Variants in GHR observed in about 807,000 individuals in gnomAD.
GHR encodes the protein growth hormone receptor.
Under a neutral mutation model 67.1 loss-of-function variants are expected in GHR, and 35 were observed. That is an observed-to-expected ratio of 0.52 (90% CI 0.40 to 0.69). The LOEUF (loss-of-function observed/expected upper bound fraction) is 0.69. Ranked by LOEUF, GHR falls within the 30% of genes least tolerant of loss-of-function variation. The pLI is 0.00. For synonymous variants in GHR, 272 were observed against 269.1 expected (o/e 1.01, Z -0.10); for missense variants, 792 against 764.6 (o/e 1.04, Z -0.42).
At chr5:42,639,418 T>C (rs540375573) in intron 3 of GHR, among the ~76,000 whole-genome samples, 1 of 152,210 alleles carries the variant, frequency 6.6e-6, no homozygotes, top group Non-Finnish European at 1.5e-5. Context: ...TCAAATGTCA[T>C]TCATGTCTTC....
chr5:42,474,333 G>GAAAAGAAAT lies in GHR; in HGVS notation c.-12+50381_-12+50382insAGAAATAAA, dbSNP rs1554054643. On this transcript the variant is annotated intron_variant, in intron 1 of 9. Coordinates refer to ENST00000230882, the MANE Select transcript of GHR (RefSeq NM_000163.5). Reference sequence around the variant, plus strand: ...AGAAAGAAAGAAAGAAAGAAAGAAAGAAAGAAAAGAAATAAAGAAAGAAAG... The same window carrying GAAAAGAAAT: ...AGAAAGAAAGAAAGAAAGAAAGAAAGAAAAGAAATAAAGAAAAGAAATAAAGAAAGAAAG... Among the ~76,000 whole-genome samples, 31 of 149,222 alleles carry GAAAAGAAAT rather than the reference G, an allele frequency of 2.1e-4. No individual in the cohort carries two copies. The Middle Eastern group carries it at 0.01, about 49-fold the overall frequency.
intron 2 of GHR, among the ~76,000 whole-genome samples, chr5:42,616,192 A>G (rs996338673): frequency 6.6e-6 from 1 of 152,020 alleles, no homozygotes; most frequent in African/African-American, 2.4e-5. Flanking sequence ...AAAAAGGTTA[A>G]TTGTTTTGGT....
At chr5:42,605,634 G>A (rs1412648729) in intron 2 of GHR, among the ~76,000 whole-genome samples, 3 of 152,186 alleles carry the variant, frequency 2.0e-5, no homozygotes, top group Admixed American at 2.0e-4. Context: ...TCCAGATAGA[G>A]GATCTGTGCC....
chr5:42,590,760 G>T (rs1415973364), intron 2 of GHR, among the ~76,000 whole-genome samples: 1 of 152,212 alleles, frequency 6.6e-6, no homozygotes, highest in Non-Finnish European at 1.5e-5. Context: ...TCTAACAGGT[G>T]ACTTTGAATG....
intron 1 of GHR, among the ~76,000 whole-genome samples, chr5:42,431,130 A>G (rs1481113927): frequency 6.6e-6 from 1 of 152,162 alleles, no homozygotes; most frequent in Non-Finnish European, 1.5e-5. Flanking sequence ...TCTTCTTTTA[A>G]ATGTAAGCAT....
At chr5:42,474,683 G>A (rs1745216393) in intron 1 of GHR, among the ~76,000 whole-genome samples, 1 of 152,102 alleles carries the variant, frequency 6.6e-6, no homozygotes, top group Non-Finnish European at 1.5e-5. Context: ...AGAACACGAA[G>A]AGGAACATTT....
rs759559962 is a variant in GHR at position 42,424,959 on chromosome 5, G to A, written c.-12+1004G>A. 6.1e-6 allele frequency: 6 copies of A among 981,176 alleles called. No homozygotes were observed. Among genetic ancestry groups the A allele is most frequent in the Non-Finnish European group, 7.3e-6 (6 of 826,028 alleles). 60.8% of individuals were successfully genotyped at this position (981,176 alleles called of 1,614,324 possible). ...GGCGTGTCGGCGCCTGAGCCAGTAG[G>A]GTGTGCAGGGTGGAAGAGGCCACAG... On this transcript the variant is annotated intron_variant, in intron 1 of 9. Coordinates refer to ENST00000230882, the MANE Select transcript of GHR (RefSeq NM_000163.5). This position sits in a 1 kb window ranked among gnomAD's most constrained non-coding sequence, Gnocchi z 4.1.
chr5:42,597,575 G>T (rs1752140067), intron 2 of GHR, among the ~76,000 whole-genome samples: 1 of 152,144 alleles, frequency 6.6e-6, no homozygotes, highest in South Asian at 2.1e-4. Flanking sequence ...ACTAGGTCCT[G>T]CAGTATTGCT....
At chr5:42,542,832 T>A (rs574660882) in intron 1 of GHR, among the ~76,000 whole-genome samples, 1 of 152,250 alleles carries the variant, frequency 6.6e-6, no homozygotes, top group South Asian at 2.1e-4. Context: ...TCACTCTGTA[T>A]GCCTTTGCAT....
At chr5:42,596,765 T>A (rs1258018503) in intron 2 of GHR, among the ~76,000 whole-genome samples, 1 of 152,188 alleles carries the variant, frequency 6.6e-6, no homozygotes, top group Non-Finnish European at 1.5e-5. Flanking sequence ...GGGTTAGAAC[T>A]CTTCCAAAGC....
At chr5:42,688,555 CTGACTGCT>C (rs1490910361) in intron 3 of GHR, among the ~76,000 whole-genome samples, 1 of 152,194 alleles carries the variant, frequency 6.6e-6, no homozygotes, top group Non-Finnish European at 1.5e-5. Flanking sequence ...TCCCCATTCC[CTGACTGCT>C]AGATCCAGAA....
chr5:42,537,719 T>C (rs1267466640), intron 1 of GHR, among the ~76,000 whole-genome samples: 1 of 152,178 alleles, frequency 6.6e-6, no homozygotes, highest in Non-Finnish European at 1.5e-5. Flanking sequence ...TTGTTGTCTT[T>C]TTGTCTGGAT....
chr5:42,679,391 C>T (rs1421977451), intron 3 of GHR, among the ~76,000 whole-genome samples: 1 of 151,396 alleles, frequency 6.6e-6, no homozygotes, highest in Admixed American at 6.6e-5. Context: ...CTTTGGGAGG[C>T]CGAGGTGGGT....
At chr5:42,584,642 G>A (rs550837284) in intron 2 of GHR, among the ~76,000 whole-genome samples, 1 of 152,238 alleles carries the variant, frequency 6.6e-6, no homozygotes, top group South Asian at 2.1e-4. Context: ...ATCATGGTAA[G>A]TGATGTGTTA....
chr5:42,579,953 T>G (rs1579986194), intron 2 of GHR, among the ~76,000 whole-genome samples: 1 of 151,650 alleles, frequency 6.6e-6, no homozygotes, highest in East Asian at 1.9e-4. Context: ...AGCTGACAGG[T>G]GGGGATCTAT....
chr5:42,444,868 C>G (rs757486551), intron 1 of GHR, among the ~76,000 whole-genome samples: 15 of 152,190 alleles, frequency 9.9e-5, no homozygotes, highest in Non-Finnish European at 1.5e-4. Flanking sequence ...CCTCTTTCCT[C>G]TACCACTTCT....
chr5:42,624,860 T>A (rs1049933728), intron 2 of GHR, among the ~76,000 whole-genome samples: 1 of 152,110 alleles, frequency 6.6e-6, no homozygotes, highest in Non-Finnish European at 1.5e-5. Flanking sequence ...TAGAAAATAA[T>A]GGTAATAATA....
At chr5:42,685,275 A>G (rs1035212811) in intron 3 of GHR, among the ~76,000 whole-genome samples, 17 of 152,160 alleles carry the variant, frequency 1.1e-4, no homozygotes, top group Admixed American at 1.1e-3. Flanking sequence ...ACATGAACTC[A>G]TCCTTTTTTA....
chr5:42,566,859 G>A (rs929483026), intron 2 of GHR, among the ~76,000 whole-genome samples: 3 of 152,160 alleles, frequency 2.0e-5, no homozygotes, highest in Non-Finnish European at 4.4e-5. Flanking sequence ...GCCTTAAGAT[G>A]TCCTCCCTGA....
Sources: allele counts gnomAD v4.1 joint callset (sites outside exome capture counted in the v4.1 genomes callset), GRCh38; gene constraint gnomAD v4.1.1; non-coding constraint Gnocchi (gnomAD v3.1); transcripts MANE v1.5; gene names NCBI Gene and HGNC (gene_info 2026-07-23, HGNC 2026-07-21).